Variants in HS6ST1 observed in about 807,000 individuals in gnomAD.
HS6ST1 encodes heparan sulfate 6-O-sulfotransferase 1, also known as heparan-sulfate 6-O-sulfotransferase 1.
Under a neutral mutation model 25.2 loss-of-function variants are expected in HS6ST1, and 3 were observed. That is an observed-to-expected ratio of 0.12 (90% CI 0.05 to 0.31). HS6ST1 has a LOEUF of 0.31. Ranked by LOEUF, HS6ST1 falls within the 10% of genes least tolerant of loss-of-function variation. The probability of loss-of-function intolerance (pLI) is 1.00; values close to 1 mark genes in which losing one functional copy is unlikely to be tolerated. For synonymous variants in HS6ST1, 204 were observed against 275.1 expected, an observed-to-expected ratio of 0.74 and a Z score of 2.56; for missense variants, 310 against 609.6, an observed-to-expected ratio of 0.51 and a Z score of 5.18.
intron 1 of HS6ST1, 99 bp downstream of exon 1, chr2:128,317,938 G>A (rs565718202): frequency 7.6e-7 from 1 of 1,311,024 alleles, no homozygotes; most frequent in East Asian, 3.1e-5. Context: ...AGGGCAGAAG[G>A]GGGTAGGGAA....
At chr2:128,296,567 T>C (rs1167995017) in intron 1 of HS6ST1, among the ~76,000 whole-genome samples, 1 of 152,218 alleles carries the variant, frequency 6.6e-6, no homozygotes, top group Non-Finnish European at 1.5e-5. Context: ...TTCTATTCAC[T>C]AGCAACAAAC....
chr2:128,307,672 T>A (rs933322042), intron 1 of HS6ST1, among the ~76,000 whole-genome samples: 1 of 152,204 alleles, frequency 6.6e-6, no homozygotes, highest in East Asian at 1.9e-4. Context: ...CATGGTAAGA[T>A]GCTATCTCTC....
intron 1 of HS6ST1, among the ~76,000 whole-genome samples, chr2:128,304,918 T>A (rs1245211256): frequency 6.6e-6 from 1 of 152,190 alleles, no homozygotes; most frequent in Non-Finnish European, 1.5e-5. Flanking sequence ...TTGCAGGCCA[T>A]CATCCCCTGG....
intron 1 of HS6ST1, among the ~76,000 whole-genome samples, chr2:128,294,684 G>C (rs1043205205): frequency 1.4e-5 from 2 of 144,554 alleles, no homozygotes; most frequent in South Asian, 4.2e-4. Flanking sequence ...GTGTGTGTGT[G>C]TGTGTGTGTG....
intron 1 of HS6ST1, among the ~76,000 whole-genome samples, chr2:128,284,716 G>T (rs1693836240): frequency 6.6e-6 from 1 of 152,236 alleles, no homozygotes; most frequent in Non-Finnish European, 1.5e-5. Context: ...TTGAACTCCT[G>T]ACTTCAGGTG....
In HS6ST1 at chr2:128,265,685, C is replaced by G. The variant is rs980496138; in HGVS notation, c.*2477G>C. On this transcript the variant is annotated 3_prime_UTR_variant, in exon 2 of 2. Coordinates refer to ENST00000259241, the MANE Select transcript of HS6ST1 (RefSeq NM_004807.3). ...GTTCAAGTTAAACAGTTCCAGTTCC[C>G]GAAAAGTTCACAGCCTTGTTTTGTG... The G allele has an allele frequency of 6.6e-6, 1 of 152,040 alleles. No homozygotes were observed. 9.4% of individuals were successfully genotyped at this position (152,040 alleles called of 1,614,324 possible).
chr2:128,275,682 G>T (rs562609653), intron 1 of HS6ST1, among the ~76,000 whole-genome samples: 1 of 152,208 alleles, frequency 6.6e-6, no homozygotes, highest in African/African-American at 2.4e-5. Flanking sequence ...GAGAGCGGTG[G>T]GAAGGCAAAG....
chr2:128,302,362 T>A (rs1271975688), intron 1 of HS6ST1, among the ~76,000 whole-genome samples: 1 of 152,178 alleles, frequency 6.6e-6, no homozygotes, highest in East Asian at 1.9e-4. Context: ...TACTGATGTG[T>A]ACGTGGTGTG....
intron 1 of HS6ST1, among the ~76,000 whole-genome samples, chr2:128,293,606 C>T (rs1693992588): frequency 6.6e-6 from 1 of 152,204 alleles, no homozygotes; most frequent in Non-Finnish European, 1.5e-5. Flanking sequence ...TTAGCAAAAC[C>T]AGGGGCTGGT....
At chr2:128,290,489 T>C (rs572444953) in intron 1 of HS6ST1, among the ~76,000 whole-genome samples, 3 of 152,154 alleles carry the variant, frequency 2.0e-5, no homozygotes, top group Non-Finnish European at 2.9e-5. Context: ...TCCAACCCAA[T>C]TGAGCATATA....
At chr2:128,290,640 T>C (rs966157253) in intron 1 of HS6ST1, among the ~76,000 whole-genome samples, 3 of 151,974 alleles carry the variant, frequency 2.0e-5, no homozygotes, top group Non-Finnish European at 4.4e-5. Context: ...CTAAAAACAC[T>C]ATTCATAATA....
intron 1 of HS6ST1, among the ~76,000 whole-genome samples, chr2:128,286,506 C>T (rs1015478577): frequency 5.3e-5 from 8 of 152,302 alleles, no homozygotes; most frequent in Non-Finnish European, 8.8e-5. Flanking sequence ...GGCAGGAGGC[C>T]GGGCAGGGCC....
chr2:128,311,654 C>A (rs907607689), intron 1 of HS6ST1, among the ~76,000 whole-genome samples: 2 of 152,188 alleles, frequency 1.3e-5, no homozygotes, highest in Non-Finnish European at 2.9e-5. Flanking sequence ...GGTGATGGCA[C>A]CCAGAGAGGG....
chr2:128,272,030 G>A (rs921337681), intron 1 of HS6ST1, among the ~76,000 whole-genome samples: 1 of 152,222 alleles, frequency 6.6e-6, no homozygotes, highest in Non-Finnish European at 1.5e-5. Flanking sequence ...CTGGCCACCT[G>A]AAGGCAGGAG....
intron 1 of HS6ST1, among the ~76,000 whole-genome samples, chr2:128,285,065 C>A (rs12477083): frequency 0.18 from 27,368 of 152,194 alleles, 3,446 homozygotes; most frequent in East Asian, 0.62. Context: ...AGGAAACAGG[C>A]GGCATGCCAG....
chr2:128,309,948 CG>C (rs1694263483), intron 1 of HS6ST1, among the ~76,000 whole-genome samples: 1 of 152,228 alleles, frequency 6.6e-6, no homozygotes, highest in South Asian at 2.1e-4. Flanking sequence ...GCGGTCACCA[CG>C]GTCACAGTTA....
In HS6ST1 at chr2:128,310,686, T is replaced by C. The variant is rs1425277610; in HGVS notation, c.527+7351A>G. Among the ~76,000 whole-genome samples the C allele has an allele frequency of 4.6e-5, 7 of 152,256 alleles. No homozygotes were observed. In the East Asian group the frequency reaches 1.4e-3, roughly 29 times the overall value. On this transcript the variant is annotated intron_variant, in intron 1 of 1. Coordinates refer to ENST00000259241, the MANE Select transcript of HS6ST1 (RefSeq NM_004807.3). Reference sequence around the variant, plus strand: ...GGATCCTAAATGTCCTCTAACAGCCTCCACCCTGGGTTGGGTGGTCTGGGA... The same window carrying C: ...GGATCCTAAATGTCCTCTAACAGCCCCCACCCTGGGTTGGGTGGTCTGGGA...
intron 1 of HS6ST1, among the ~76,000 whole-genome samples, chr2:128,291,867 G>A (rs1243921943): frequency 1.3e-5 from 2 of 152,226 alleles, no homozygotes; most frequent in African/African-American, 4.8e-5. Context: ...GCATACACAG[G>A]CTTCCCTATA....
intron 1 of HS6ST1, among the ~76,000 whole-genome samples, chr2:128,315,149 G>GC (rs1694343014): frequency 6.6e-6 from 1 of 152,180 alleles, no homozygotes; most frequent in South Asian, 2.1e-4. Flanking sequence ...AGATGAGGCA[G>GC]CCCCCATGGT....
Sources: gnomAD v4.1 joint callset for allele counts (sites outside exome capture counted in the v4.1 genomes callset) on GRCh38, gnomAD v4.1.1 for gene constraint, MANE v1.5 for transcripts, NCBI Gene and HGNC (gene_info 2026-07-23, HGNC 2026-07-21) for gene names.